HID1: variants seen among roughly 807,000 people sequenced by gnomAD.
HID1 encodes HID1 domain containing, also known as protein HID1.
A neutral mutation model predicts 89.7 loss-of-function variants in HID1; 42 were observed. The observed-to-expected ratio is 0.47, with a 90% CI of 0.37 to 0.61. HID1 has a LOEUF of 0.61. Among genes scored for constraint, HID1 ranks in the 20% least tolerant of loss-of-function variants. The pLI, the probability that HID1 is intolerant of heterozygous loss-of-function variation, is 0.00. For synonymous variants in HID1, 442 were observed against 433.8 expected, an observed-to-expected ratio of 1.02 and a Z score of -0.24; for missense variants, 854 against 1,039.3, an observed-to-expected ratio of 0.82 and a Z score of 2.45.
At chr17:74,954,437 C>T in intron 13 of HID1, 72 bp from the exon 14 acceptor site, 1 of 1,543,654 alleles carries the variant, frequency 6.5e-7, no homozygotes, top group Non-Finnish European at 8.7e-7. Context: ...GGGTGGGCTT[C>T]CTGGAAGGGG....
At chr17:74,955,222 C>G (rs2039370664) in intron 13 of HID1, among the ~76,000 whole-genome samples, 1 of 152,210 alleles carries the variant, frequency 6.6e-6, no homozygotes, top group Admixed American at 6.5e-5. Flanking sequence ...AGATACCCAT[C>G]AGGGACTTAC....
chr17:74,967,811 C>T (rs2144828418), intron 1 of HID1: 1 of 152,106 alleles, frequency 6.6e-6, no homozygotes, highest in Admixed American at 6.6e-5. Context: ...CGTACCATGG[C>T]ACTTCAGCCT....
In HID1 at chr17:74,958,926, G is replaced by A. The variant is rs1244100902; in HGVS notation, c.1134C>T (p.Leu378=). The A allele has an allele frequency of 1.3e-6, 2 of 1,596,600 alleles. No homozygotes were observed. Among genetic ancestry groups the A allele is most frequent in the East Asian group, 4.5e-5 (2 of 44,816 alleles). The part of the protein sequence containing the change: ...HQELLVLFWK[L]CDFNKKFLFF... The stretch of plus-strand genomic sequence containing the variant: ...GCTGGCCCACCTTGTTGAAGTCGCA[G>A]AGCTTCCAGAAGAGAACTAGCAGCT... Residue 378 remains leucine (L), a synonymous_variant, in exon 9 of 19, where the codon CTC becomes CTT. Coordinates refer to ENST00000425042, the MANE Select transcript of HID1 (RefSeq NM_030630.3). This position sits in a 1 kb window ranked among gnomAD's most constrained non-coding sequence, Gnocchi z 5.2.
Position 74,969,361 on chromosome 17 carries a change from T to C in HID1, c.66+3230A>G, listed in dbSNP as rs577352290. 3.3e-5 allele frequency among the ~76,000 whole-genome samples: 5 copies of C among 152,036 alleles called. No homozygotes were observed. The South Asian group carries it at 1.0e-3, about 32-fold the overall frequency. ...CCACGACGCCCGGCTAATTTTTTTG[T>C]ATTTTTAGTAGAGATGGGGTTTCAC... On this transcript the variant is annotated intron_variant, in intron 1 of 18. Transcript: ENST00000425042.
At position 74,959,148 on chromosome 17, in the gene HID1, CA is replaced by C. The variant is rs2039442185; in HGVS notation, c.1009-98del. The C allele has an allele frequency of 5.8e-6, 8 of 1,372,724 alleles. No individual in the cohort carries two copies. In the Admixed American group the frequency reaches 8.9e-5, roughly 15 times the overall value. The allele number at this position is 1,372,724 out of a possible 1,614,324, so 85.0% of individuals were successfully genotyped here. ...CCAACAAATCCCCCCCTCCATCCCC[CA>C]GAGCCAGATCCCACCTCCAGAGCCA... On this transcript the variant is annotated intron_variant, in intron 8 of 18. Transcript: ENST00000425042. The surrounding 1 kb of genome is among the most constrained non-coding windows in gnomAD (Gnocchi z 4.6).
In HID1 at chr17:74,964,620, T is replaced by C. The variant is rs1256989015; in HGVS notation, c.79A>G (p.Thr27Ala). 9 of 1,611,958 alleles carry C rather than the reference T, an allele frequency of 5.6e-6. No homozygotes were observed. The Admixed American group carries it at 1.3e-4, about 24-fold the overall frequency. Residue 27 changes from threonine (T) to alanine (A), a missense_variant, in exon 2 of 19, where the codon ACC (threonine) becomes GCC (alanine). Transcript: ENST00000425042. ...LTTKTQPVEA[T>A]DDAFWDQFWA... is the part of the protein sequence containing the mutation. ...AACTGGTCCCAAAAGGCATCATCGG[T>C]GGCTTCCACGGGCTGTGGGGGGACC... is the stretch of plus-strand genomic sequence containing the variant.
chr17:74,967,441 A>C (rs2039579416), intron 1 of HID1, among the ~76,000 whole-genome samples: 2 of 151,602 alleles, frequency 1.3e-5, no homozygotes, highest in East Asian at 3.9e-4. Context: ...GGGGAGGCTG[A>C]GGCAGGAGAA....
intron 1 of HID1, among the ~76,000 whole-genome samples, chr17:74,969,118 A>C (rs906822110): frequency 6.6e-6 from 1 of 152,166 alleles, no homozygotes; most frequent in Non-Finnish European, 1.5e-5. Flanking sequence ...CTAATGGGAG[A>C]AACGTGGCTC....
intron 2 of HID1, 58 bp from the exon 3 acceptor site, chr17:74,963,968 C>CCCCAAG: frequency 6.3e-7 from 1 of 1,594,418 alleles, no homozygotes; most frequent in Non-Finnish European, 8.6e-7. Flanking sequence ...GACCCTGGCA[C>CCCCAAG]TTGGGGTCAG....
chr17:74,962,853 TG>T lies in HID1; in HGVS notation c.504+111del. On this transcript the variant is annotated intron_variant, in intron 4 of 18. Transcript: ENST00000425042. This position sits in a 1 kb window ranked among gnomAD's most constrained non-coding sequence, Gnocchi z 4.3. ...CATGTGCCAGGCAGCTCAGCTCTCCTGGAGCCCCCCGGCCCCCAGTGCAATC... is the reference window on the plus strand; with the variant it reads ...CATGTGCCAGGCAGCTCAGCTCTCCTGAGCCCCCCGGCCCCCAGTGCAATC... 1 of 759,932 alleles carries T rather than the reference TG, an allele frequency of 1.3e-6. No individual in the cohort carries two copies. Among genetic ancestry groups the T allele is most frequent in the Non-Finnish European group, 2.2e-6 (1 of 455,214 alleles). The allele number at this position is 759,932 out of a possible 1,614,324, so 47.1% of individuals were successfully genotyped here.
intron 6 of HID1, among the ~76,000 whole-genome samples, chr17:74,961,354 G>T (rs141327044): frequency 6.6e-6 from 1 of 151,690 alleles, no homozygotes; most frequent in East Asian, 1.9e-4. Context: ...TGCAACCTCC[G>T]CCTCCCGGGT....
chr17:74,961,571 T>G, intron 6 of HID1: 4 of 159,052 alleles, frequency 2.5e-5, no homozygotes, highest in Admixed American at 7.1e-5. Context: ...CCTGGCCCAA[T>G]TTTACTTTTT....
chr17:74,963,186 C>G, intron 3 of HID1, 105 bp from the exon 4 acceptor site: 1 of 765,670 alleles, frequency 1.3e-6, no homozygotes, highest in Non-Finnish European at 2.1e-6. Context: ...AGGCGGGCAC[C>G]CATGGGCAGA....
In HID1 at chr17:74,958,232, G is replaced by C. The variant is rs372359726; in HGVS notation, c.1393-13C>G. The C allele has an allele frequency of 1.5e-4, 242 of 1,609,444 alleles. No individual in the cohort carries two copies. The highest frequency in any genetic ancestry group is 1.9e-4 in the Non-Finnish European group (229 of 1,178,068). ...TCTTGTGGAACACCTGTGCCAGGAG[G>C]GACAGAGGCACCGTGGGGTCCCCGC... On this transcript the variant is annotated splice_polypyrimidine_tract_variant and intron_variant, in intron 11 of 18. Transcript: ENST00000425042. This position sits in a 1 kb window ranked among gnomAD's most constrained non-coding sequence, Gnocchi z 5.2.
chr17:74,964,788 C>CCCAG (rs2039538197), intron 1 of HID1, among the ~76,000 whole-genome samples, 156 bp from the exon 2 acceptor site: 1 of 152,230 alleles, frequency 6.6e-6, no homozygotes, highest in Non-Finnish European at 1.5e-5. Context: ...GGACATACTT[C>CCCAG]AGCCACCACA....
rs2039454218 is a variant in HID1 at position 74,960,027 on chromosome 17, T to C, written c.950A>G (p.Asp317Gly). 6.2e-7 allele frequency: 1 copy of C among 1,613,454 alleles called. No individual in the cohort carries two copies. The highest frequency in any genetic ancestry group is 8.5e-7 in the Non-Finnish European group (1 of 1,179,756). Residue 317 changes from aspartate to glycine, a missense_variant and splice_region_variant, in exon 7 of 19, where the codon GAT becomes GGT. Physicochemically the swap from Asp to Gly is moderately conservative, Grantham distance 94 (BLOSUM62 -1). Coordinates refer to ENST00000425042, the MANE Select transcript of HID1 (RefSeq NM_030630.3). ...TCCCTTCCATGCTCCCATCCTTACATCGGCATCATCCATGGCGGTGCCAGT... is the reference window on the plus strand; with the variant it reads ...TCCCTTCCATGCTCCCATCCTTACACCGGCATCATCCATGGCGGTGCCAGT... Reference protein sequence around the residue: ...TTTGTAMDDADPPGPENLFVN... With the variant: ...TTTGTAMDDAGPPGPENLFVN...
In HID1 at chr17:74,972,702, C is replaced by T. The variant is rs762467184; in HGVS notation, c.-46G>A. 7.4e-6 allele frequency: 11 copies of T among 1,489,460 alleles called. No homozygotes were observed. In the South Asian group the frequency reaches 1.3e-4, roughly 17 times the overall value. The allele number at this position is 1,489,460 out of a possible 1,614,324, so 92.3% of individuals were successfully genotyped here. On this transcript the variant is annotated 5_prime_UTR_variant, in exon 1 of 19. Transcript: ENST00000425042. The surrounding 1 kb of genome is among the most constrained non-coding windows in gnomAD (Gnocchi z 6.4). The stretch of plus-strand genomic sequence containing the variant: ...CCCGGCCCCCGCCCAGACTCCAACC[C>T]GGCTCCGGCTTCAGCTCCGGCTCCA...
Position 74,960,227 on chromosome 17 carries a change from G to C in HID1, c.750C>G (p.Thr250=), listed in dbSNP as rs1174072947. ...TENRHALPLF[T]SLLNTVCAYD... ...AGGCACACACGGTGTTGAGGAGGGA[G>C]GTGAAGAGGGGCAGGGCATGTCTGC... The change falls in exon 7 of 19, where the codon ACC becomes ACG. Residue 250 remains threonine, a synonymous_variant. Transcript: ENST00000425042. The C allele has an allele frequency of 1.2e-6, 2 of 1,611,402 alleles. No individual in the cohort carries two copies. Among genetic ancestry groups the C allele is most frequent in the African/African-American group, 1.3e-5 (1 of 75,070 alleles).
rs574274968 is a variant in HID1, at chr17:74,960,391, G to T, written c.729-143C>A. ...AGGGAGTGGCTTGGAAAGAGTGGGT[G>T]TGGGAAGCCCAGAGCCATGATTAGG... is the stretch of plus-strand genomic sequence containing the variant. On this transcript the variant is annotated intron_variant, in intron 6 of 18. Transcript: ENST00000425042. The T allele has an allele frequency of 2.6e-5, 18 of 705,688 alleles. No homozygotes were observed. In the South Asian group the frequency reaches 3.3e-4, roughly 13 times the overall value. The allele number at this position is 705,688 out of a possible 1,614,324, so 43.7% of individuals were successfully genotyped here. A position where few individuals can be genotyped will look rare whatever the true frequency, so the allele number is the denominator to read the frequency against.
Sources: gnomAD v4.1 joint callset for allele counts (sites outside exome capture counted in the v4.1 genomes callset) on GRCh38, gnomAD v4.1.1 for gene constraint, Gnocchi (gnomAD v3.1) non-coding constraint, MANE v1.5 for transcripts, NCBI Gene and HGNC (gene_info 2026-07-23, HGNC 2026-07-21) for gene names.